Variants in UHRF1 observed in about 807,000 individuals in gnomAD.
UHRF1 encodes E3 ubiquitin-protein ligase UHRF1.
A neutral mutation model predicts 96.5 loss-of-function variants in UHRF1; 9 were observed. That is an observed-to-expected ratio of 0.09 (90% confidence interval 0.06 to 0.16). The LOEUF is 0.16. Among genes scored for constraint, UHRF1 ranks in the 10% least tolerant of loss-of-function variants. The pLI, the probability that UHRF1 is intolerant of heterozygous loss-of-function variation, is 1.00. For missense variants in UHRF1, 626 were observed against 1,131.1 expected (o/e 0.55, Z 6.40); for synonymous variants, 455 against 469.9 (o/e 0.97, Z 0.41).
At chr19:4,913,506 C>T (rs1286113222) in intron 2 of UHRF1, among the ~76,000 whole-genome samples, 1 of 152,032 alleles carries the variant, frequency 6.6e-6, no homozygotes, top group East Asian at 1.9e-4. Context: ...CCACCTACCT[C>T]CGTCTCCCAA....
At chr19:4,905,283 A>AT (rs942874766), upstream of UHRF1, among the ~76,000 whole-genome samples, 8 of 146,010 alleles carry the variant, frequency 5.5e-5, no homozygotes, top group Non-Finnish European at 7.6e-5. Flanking sequence ...TGCCCGGCTA[A>AT]TTTTTTTTTG....
At chr19:4,948,102 A>C (rs1278935506) in intron 11 of UHRF1, among the ~76,000 whole-genome samples, 1 of 73,182 alleles carries the variant, frequency 1.4e-5, no homozygotes. Context: ...AGATCTTGTC[A>C]AAAAAAAAAA....
chr19:4,956,663 C>T lies in UHRF1; in HGVS notation c.2131-46C>T, dbSNP rs2033864340. 1.0e-5 allele frequency: 13 copies of T among 1,250,970 alleles called. 1 individual carries two copies. Among genetic ancestry groups the T allele is most frequent in the African/African-American group, 8.9e-5 (6 of 67,616 alleles). 77.5% of individuals were successfully genotyped at this position (1,250,970 alleles called of 1,614,324 possible). A position where few individuals can be genotyped will look rare whatever the true frequency, so the allele number is the denominator to read the frequency against. On this transcript the variant is annotated intron_variant, in intron 15 of 16. Coordinates refer to ENST00000650932, the MANE Select transcript of UHRF1 (RefSeq NM_001048201.3). ...GCAGGAAGCCACTGATCTGTGGGAG[C>T]CCTGGTCCCGGTGTCTTTGCCGGCC... is the stretch of plus-strand genomic sequence containing the variant.
At chr19:4,922,855 T>A (rs2032745293) in intron 2 of UHRF1, among the ~76,000 whole-genome samples, 1 of 152,216 alleles carries the variant, frequency 6.6e-6, no homozygotes, top group South Asian at 2.1e-4. Flanking sequence ...GGGAGACACT[T>A]CCTGTCCCTC....
intron 2 of UHRF1, 32 bp downstream of exon 2, chr19:4,911,070 C>A: frequency 6.6e-7 from 1 of 1,513,100 alleles, no homozygotes. Context: ...TTGTTCTATG[C>A]CTGGTCCAGG....
chr19:4,955,932 T>C (rs2033845940), intron 15 of UHRF1, among the ~76,000 whole-genome samples: 1 of 152,148 alleles, frequency 6.6e-6, no homozygotes. Context: ...ATTTTGTTTA[T>C]TTTTATTATT....
At position 4,930,333 on chromosome 19, in the gene UHRF1, C is replaced by T. The variant is rs1173584381; in HGVS notation, c.409-383C>T. 3.3e-5 allele frequency among the ~76,000 whole-genome samples: 5 copies of T among 152,198 alleles called. No individual in the cohort carries two copies. The highest frequency in any genetic ancestry group is 1.2e-4 in the African/African-American group (5 of 41,450). On this transcript the variant is annotated intron_variant, in intron 3 of 16. Transcript: ENST00000650932. The surrounding 1 kb of genome is among the most constrained non-coding windows in gnomAD (Gnocchi z 4.4). ...ATGTTGCCCAGGCTAGTCTTGAATT[C>T]CGGGGCTCAAGCGATCCACCTGCCT...
intron 13 of UHRF1, among the ~76,000 whole-genome samples, chr19:4,951,443 C>T (rs1326666455): frequency 1.3e-5 from 2 of 152,076 alleles, no homozygotes; most frequent in Admixed American, 1.3e-4. Context: ...CCTCCCGTCT[C>T]GGGCCCATGC....
At chr19:4,942,014 G>T in intron 7 of UHRF1, 83 bp downstream of exon 7, 1 of 1,359,978 alleles carries the variant, frequency 7.4e-7, no homozygotes, top group Non-Finnish European at 9.6e-7. Flanking sequence ...TACAGGAGAG[G>T]GGCAGGCGCG....
chr19:4,951,813 G>T (rs1347892811), intron 13 of UHRF1, among the ~76,000 whole-genome samples: 1 of 152,076 alleles, frequency 6.6e-6, no homozygotes, highest in Non-Finnish European at 1.5e-5. Flanking sequence ...TCCCTGTGGC[G>T]ATGGGAACTG....
chr19:4,927,251 A>C (rs1433014377), intron 2 of UHRF1, among the ~76,000 whole-genome samples: 1 of 151,562 alleles, frequency 6.6e-6, no homozygotes, highest in African/African-American at 2.4e-5. Context: ...GTGATGGCTC[A>C]TGCCTATAGT....
intron 5 of UHRF1, among the ~76,000 whole-genome samples, chr19:4,941,232 A>G (rs2033388618): frequency 6.6e-6 from 1 of 150,680 alleles, no homozygotes; most frequent in Non-Finnish European, 1.5e-5. Flanking sequence ...CTGGGATTAC[A>G]TGCGCGCTTC....
At chr19:4,921,066 G>C (rs544176545) in intron 2 of UHRF1, among the ~76,000 whole-genome samples, 1 of 152,030 alleles carries the variant, frequency 6.6e-6, no homozygotes, top group Non-Finnish European at 1.5e-5. Context: ...GGAGGTCACA[G>C]TGAGTCAAGA....
intron 13 of UHRF1, among the ~76,000 whole-genome samples, chr19:4,952,144 G>C (rs2033733571): frequency 6.6e-6 from 1 of 152,152 alleles, no homozygotes; most frequent in Non-Finnish European, 1.5e-5. Context: ...CCAGGCTGGA[G>C]TGCAGTGGTG....
upstream of UHRF1, among the ~76,000 whole-genome samples, chr19:4,908,243 G>T (rs2032112514): frequency 6.6e-6 from 1 of 152,036 alleles, no homozygotes; most frequent in Non-Finnish European, 1.5e-5. Context: ...AGGACGTGGG[G>T]GTCTAGAGAC....
At chr19:4,912,012 TG>T (rs2032298802) in intron 2 of UHRF1, among the ~76,000 whole-genome samples, 1 of 152,196 alleles carries the variant, frequency 6.6e-6, no homozygotes, top group African/African-American at 2.4e-5. Flanking sequence ...CAGGGGTTTT[TG>T]GGGGCTGGGA....
chr19:4,955,205 CTG>C (rs2033826056), intron 15 of UHRF1, among the ~76,000 whole-genome samples: 1 of 152,176 alleles, frequency 6.6e-6, no homozygotes, highest in Non-Finnish European at 1.5e-5. Flanking sequence ...TCTCACAGCT[CTG>C]GGGCTGGGAG....
chr19:4,956,638 G>A, intron 15 of UHRF1, 71 bp from the exon 16 acceptor site: 1 of 938,854 alleles, frequency 1.1e-6, no homozygotes, highest in South Asian at 1.4e-5. Flanking sequence ...TACATGCTCA[G>A]CAGGAAGCCA....
intron 11 of UHRF1, among the ~76,000 whole-genome samples, chr19:4,948,926 A>C (rs17880524): frequency 0.21 from 29,837 of 144,186 alleles, 3,957 homozygotes; most frequent in East Asian, 0.63. Context: ...GATCGAAACC[A>C]TCCTGGCTAA....
Sources: gnomAD v4.1 joint callset for allele counts (sites outside exome capture counted in the v4.1 genomes callset) on GRCh38, gnomAD v4.1.1 for gene constraint, Gnocchi (gnomAD v3.1) non-coding constraint, MANE v1.5 for transcripts, NCBI Gene and HGNC (gene_info 2026-07-23, HGNC 2026-07-21) for gene names.